SLC44A5: variants seen among roughly 807,000 people sequenced by gnomAD.
The protein encoded by SLC44A5 is solute carrier family 44 member 5.
SLC44A5 carries 57 observed loss-of-function variants against 101.8 expected under a neutral mutation model. The ratio of observed to expected loss-of-function variants is 0.56; its 90% CI spans 0.45 to 0.70. The LOEUF is 0.70. SLC44A5 is among the 30% of genes least tolerant of loss of function. SLC44A5 has a pLI of 0.00. For missense variants in SLC44A5, 737 were observed against 853.1 expected, an observed-to-expected ratio of 0.86 and a Z score of 1.70; for synonymous variants, 281 against 290.9, an observed-to-expected ratio of 0.97 and a Z score of 0.35.
At chr1:75,623,716 T>C in the SLC44A5 span, among the ~76,000 whole-genome samples, 4 of 152,062 alleles carry the variant, frequency 2.6e-5, no homozygotes, top group Non-Finnish European at 4.4e-5. Flanking sequence ...TGGTATAATA[T>C]AATTTACACT....
At chr1:75,292,572 A>T (rs964257197) in intron 5 of SLC44A5, among the ~76,000 whole-genome samples, 1 of 152,192 alleles carries the variant, frequency 6.6e-6, no homozygotes, top group Non-Finnish European at 1.5e-5. Context: ...ATAGAGACTA[A>T]TTTTTTTAAT....
chr1:75,477,594 A>C (rs1256238908), intron 2 of SLC44A5, among the ~76,000 whole-genome samples: 2 of 152,232 alleles, frequency 1.3e-5, no homozygotes, highest in Non-Finnish European at 2.9e-5. Flanking sequence ...CTCGAGAACT[A>C]CGTGAAGAAT....
At chr1:75,322,163 T>C (rs1280604368) in intron 4 of SLC44A5, among the ~76,000 whole-genome samples, 1 of 152,034 alleles carries the variant, frequency 6.6e-6, no homozygotes, top group East Asian at 1.9e-4. Flanking sequence ...AATATAAAAA[T>C]TAGCCTGGTG....
At chr1:75,467,840 A>G (rs929516067) in intron 2 of SLC44A5, among the ~76,000 whole-genome samples, 42 of 152,188 alleles carry the variant, frequency 2.8e-4, no homozygotes, top group Non-Finnish European at 5.6e-4. Context: ...ATGAGATAAC[A>G]TTAAGTTAAA....
intron 12 of SLC44A5, among the ~76,000 whole-genome samples, chr1:75,228,809 G>A (rs1647309811): frequency 6.6e-6 from 1 of 151,366 alleles, no homozygotes; most frequent in Non-Finnish European, 1.5e-5. Flanking sequence ...CAAGACCTTA[G>A]TTACTCAATA....
At chr1:75,603,764 TTTTTTTGCTGCTTGTATGTCTTC>T (rs1675147440) in intron 1 of SLC44A5, among the ~76,000 whole-genome samples, 1 of 149,366 alleles carries the variant, frequency 6.7e-6, no homozygotes, top group South Asian at 2.1e-4. Context: ...TTTTTTTTTT[TTTTTTTGCTGCTTGTATGTCTTC>T]TTTTTTTTAA....
intron 1 of SLC44A5, among the ~76,000 whole-genome samples, chr1:75,542,622 C>T (rs1443658760): frequency 3.9e-5 from 6 of 152,012 alleles, no homozygotes; most frequent in Non-Finnish European, 8.8e-5. Context: ...TAAATGCTTA[C>T]AGTTTTTATT....
At chr1:75,351,846 C>CAAAAAAAAAAAAAAA (rs71071942) in intron 3 of SLC44A5, among the ~76,000 whole-genome samples, 3 of 28,402 alleles carry the variant, frequency 1.1e-4, no homozygotes, top group East Asian at 2.2e-3. Flanking sequence ...CACACTTTAC[C>CAAAAAAAAAAAAAAA]AAAAAAAAAA....
intron 14 of SLC44A5, among the ~76,000 whole-genome samples, chr1:75,221,608 G>A (rs1647082708): frequency 6.6e-6 from 1 of 152,168 alleles, no homozygotes; most frequent in African/African-American, 2.4e-5. Flanking sequence ...AGTGGCAATA[G>A]CATATAATTG....
chr1:75,321,812 T>A (rs1656172709), intron 4 of SLC44A5, among the ~76,000 whole-genome samples: 2 of 152,226 alleles, frequency 1.3e-5, no homozygotes, highest in Admixed American at 1.3e-4. Context: ...AAATATTTGA[T>A]TCATCTTTAA....
chr1:75,671,799 A>G, the SLC44A5 span, among the ~76,000 whole-genome samples: 1 of 152,230 alleles, frequency 6.6e-6, no homozygotes, highest in Non-Finnish European at 1.5e-5. Flanking sequence ...CTGATCTCGA[A>G]CCAAGCTGTA....
the SLC44A5 span, among the ~76,000 whole-genome samples, chr1:75,721,563 T>G: frequency 6.6e-6 from 1 of 152,208 alleles, no homozygotes; most frequent in Non-Finnish European, 1.5e-5. Flanking sequence ...AAATCTGATA[T>G]TAAATGCCTC....
In SLC44A5 at chr1:75,214,624, G is replaced by T; in HGVS notation, c.1783C>A (p.Leu595Met). ...CRSAKDAFNL[L>M]MRNVLKVAVT... ...ACTTACTTCAAAACATTTCTCATCA[G>T]CAGATTGAAAGCATCTTTTGCTGAC... Residue 595 changes from leucine to methionine, a missense_variant, in exon 20 of 24, where the codon CTG (leucine) becomes ATG (methionine). Coordinates refer to ENST00000370859, the MANE Select transcript of SLC44A5 (RefSeq NM_001130058.2). The T allele has an allele frequency of 1.9e-6, 3 of 1,611,638 alleles. No homozygotes were observed. Among genetic ancestry groups the T allele is most frequent in the Non-Finnish European group, 2.5e-6 (3 of 1,178,760 alleles).
the SLC44A5 span, among the ~76,000 whole-genome samples, chr1:75,686,561 G>A: frequency 3.3e-5 from 5 of 152,230 alleles, no homozygotes; most frequent in Non-Finnish European, 5.9e-5. Flanking sequence ...GGTCAAAGAG[G>A]TAAGAAGGAG....
intron 1 of SLC44A5, among the ~76,000 whole-genome samples, chr1:75,604,708 T>C (rs1675215571): frequency 6.6e-6 from 1 of 151,994 alleles, no homozygotes; most frequent in South Asian, 2.1e-4. Context: ...GTTTTGTAGT[T>C]TTCTTTGTAG....
At chr1:75,481,805 T>C (rs1161239727) in intron 2 of SLC44A5, among the ~76,000 whole-genome samples, 1 of 152,126 alleles carries the variant, frequency 6.6e-6, no homozygotes, top group Non-Finnish European at 1.5e-5. Context: ...ACACTATTGG[T>C]GGGAGTGTAA....
At chr1:75,395,530 GCTAT>G (rs1444050763) in intron 3 of SLC44A5, among the ~76,000 whole-genome samples, 1 of 152,106 alleles carries the variant, frequency 6.6e-6, no homozygotes, top group Non-Finnish European at 1.5e-5. Context: ...ACTGTAAAAT[GCTAT>G]CTAAGTGTGA....
intron 2 of SLC44A5, among the ~76,000 whole-genome samples, chr1:75,455,836 A>G (rs1156711042): frequency 1.3e-5 from 2 of 152,208 alleles, no homozygotes; most frequent in African/African-American, 4.8e-5. Context: ...CAGAATGGCT[A>G]CTATTACAAA....
intron 2 of SLC44A5, among the ~76,000 whole-genome samples, chr1:75,504,914 T>C (rs1257404451): frequency 6.6e-6 from 1 of 152,156 alleles, no homozygotes; most frequent in Non-Finnish European, 1.5e-5. Context: ...TGCATGATAC[T>C]CATGTTTGCG....
Sources: gnomAD v4.1 joint callset for allele counts (sites outside exome capture counted in the v4.1 genomes callset) on GRCh38, gnomAD v4.1.1 for gene constraint, MANE v1.5 for transcripts, NCBI Gene and HGNC (gene_info 2026-07-23, HGNC 2026-07-21) for gene names.